HMCN1: variants seen among roughly 807,000 people sequenced by gnomAD.
HMCN1 encodes hemicentin 1, also known as hemicentin-1.
Under a neutral mutation model 625.9 loss-of-function variants are expected in HMCN1, and 321 were observed. The observed-to-expected ratio is 0.51, with a 90% confidence interval of 0.47 to 0.56. The LOEUF is 0.56. Ranked by LOEUF, HMCN1 falls within the 20% of genes least tolerant of loss-of-function variation. The probability of loss-of-function intolerance (pLI) is 0.00; values close to 1 mark genes in which losing one functional copy is unlikely to be tolerated. For missense variants in HMCN1, 6,588 were observed against 6,887.3 expected (o/e 0.96, Z 1.54); for synonymous variants, 2,425 against 2,417.6 (o/e 1.00, Z -0.09).
At chr1:186,020,062 A>C (rs184014098) in intron 35 of HMCN1, among the ~76,000 whole-genome samples, 47 of 152,162 alleles carry the variant, frequency 3.1e-4, no homozygotes, top group African/African-American at 1.1e-3. Flanking sequence ...TATTTACATA[A>C]ATGTAGGTAA....
intron 83 of HMCN1, among the ~76,000 whole-genome samples, chr1:186,128,724 A>C (rs1661774663): frequency 6.6e-6 from 1 of 152,050 alleles, no homozygotes. Flanking sequence ...TATAGTGTAG[A>C]TTAATTTATG....
intron 1 of HMCN1, among the ~76,000 whole-genome samples, chr1:185,807,247 A>AT (rs781663707): frequency 1.1e-4 from 16 of 152,140 alleles, no homozygotes; most frequent in Non-Finnish European, 4.4e-5. Flanking sequence ...AAAGAGTTAC[A>AT]TTTTGGCACT....
At chr1:186,007,524 TAGAG>T (rs1283899441) in intron 30 of HMCN1, among the ~76,000 whole-genome samples, 2 of 152,144 alleles carry the variant, frequency 1.3e-5, no homozygotes, top group Non-Finnish European at 2.9e-5. Context: ...TAATCTCACT[TAGAG>T]AGAGCAAGAA....
chr1:185,814,795 G>T (rs141683914), intron 1 of HMCN1, among the ~76,000 whole-genome samples: 1 of 149,144 alleles, frequency 6.7e-6, no homozygotes, highest in Non-Finnish European at 1.5e-5. Flanking sequence ...GGGTTCAAGC[G>T]ATTCTCCTGC....
Position 186,095,472 on chromosome 1 carries a change from C to A in HMCN1, c.10524C>A (p.Ala3508=), listed in dbSNP as rs772413396. 6.2e-7 allele frequency: 1 copy of A among 1,613,624 alleles called. No homozygotes were observed. The highest frequency in any genetic ancestry group is 2.2e-5 in the East Asian group (1 of 44,854). ...ATTCGGGAAAGTACACCTGCATTGC[C>A]TCAAATGAAGCTGGAGAAGTCAGCA... The part of the protein sequence containing the change: ...TEDSGKYTCI[A]SNEAGEVSKH... Residue 3508 remains alanine (A), a synonymous_variant, in exon 68 of 107, where the codon GCC becomes GCA. Transcript: ENST00000271588.
chr1:185,839,934 A>G (rs1208246116), intron 1 of HMCN1, among the ~76,000 whole-genome samples: 1 of 152,240 alleles, frequency 6.6e-6, no homozygotes, highest in Admixed American at 6.5e-5. Flanking sequence ...GCATGAATTC[A>G]TCACTGATTT....
rs1652448283 is a variant in HMCN1, at chr1:186,174,660, T to A, written c.15943+18T>A. 1 of 1,613,566 alleles carries A rather than the reference T, an allele frequency of 6.2e-7. No homozygotes were observed. Among genetic ancestry groups the A allele is most frequent in the Non-Finnish European group, 8.5e-7 (1 of 1,179,674 alleles). On this transcript the variant is annotated intron_variant, in intron 103 of 106. Transcript: ENST00000271588. ...CTGCATGGGTAAGTTAATAGGAACT[T>A]GTTGAGCAATAAAGCTACTGATGTA...
chr1:186,152,646 TG>T, intron 95 of HMCN1, 103 bp from the exon 96 acceptor site: 1 of 1,383,704 alleles, frequency 7.2e-7, no homozygotes, highest in South Asian at 1.2e-5. Context: ...TATTCAAGTT[TG>T]AACTCAAAAA....
chr1:185,882,524 A>C (rs1397485487), intron 4 of HMCN1, among the ~76,000 whole-genome samples: 1 of 152,024 alleles, frequency 6.6e-6, no homozygotes, highest in Non-Finnish European at 1.5e-5. Flanking sequence ...TTTTTTAAAA[A>C]AGTTTGAAAA....
intron 1 of HMCN1, among the ~76,000 whole-genome samples, chr1:185,765,645 G>A (rs1259712932): frequency 6.6e-6 from 1 of 152,122 alleles, no homozygotes; most frequent in African/African-American, 2.4e-5. Flanking sequence ...CCAGTAGATG[G>A]GTAATTAGGA....
intron 35 of HMCN1, 30 bp from the exon 36 acceptor site, chr1:186,023,000 A>G: frequency 6.2e-7 from 1 of 1,610,806 alleles, no homozygotes; most frequent in Non-Finnish European, 8.5e-7. Context: ...TAAGATACAA[A>G]AATCCTCTGT....
Position 186,061,979 on chromosome 1 carries a change from T to A in HMCN1, c.7426+15T>A, listed in dbSNP as rs1198026867. The A allele has an allele frequency of 1.3e-6, 2 of 1,501,122 alleles. No individual in the cohort carries two copies. The highest frequency in any genetic ancestry group is 1.9e-6 in the Non-Finnish European group (2 of 1,079,200). 93.0% of individuals were successfully genotyped at this position (1,501,122 alleles called of 1,614,324 possible). A position where few individuals can be genotyped will look rare whatever the true frequency, so the allele number is the denominator to read the frequency against. The stretch of plus-strand genomic sequence containing the variant: ...TTCAGTATTAGGTACTTATATAGTT[T>A]GCAATATCTAGAAGAAACTTAAATT... On this transcript the variant is annotated intron_variant, in intron 47 of 106. Coordinates refer to ENST00000271588, the MANE Select transcript of HMCN1 (RefSeq NM_031935.3).
rs1659517848 is a variant in HMCN1 at position 186,086,817 on chromosome 1, TAGATAG to T, written c.9047-398_9047-393del. Among the ~76,000 whole-genome samples the T allele has an allele frequency of 4.7e-3, 18 of 3,846 alleles. No individual in the cohort carries two copies. In the South Asian group the frequency reaches 0.094, roughly 20 times the overall value. 2.5% of individuals were successfully genotyped at this position (3,846 alleles called of 152,430 possible). A position where few individuals can be genotyped will look rare whatever the true frequency, so the allele number is the denominator to read the frequency against. On this transcript the variant is annotated intron_variant, in intron 58 of 106. Transcript: ENST00000271588. ...AGATGATAGATAGATAGATAGATGA[TAGATAG>T]ATAGATAGATAGATAGATAGATAGA... is the stretch of plus-strand genomic sequence containing the variant.
intron 105 of HMCN1, among the ~76,000 whole-genome samples, chr1:186,185,942 C>G (rs1410568720): frequency 6.6e-6 from 1 of 152,164 alleles, no homozygotes; most frequent in Non-Finnish European, 1.5e-5. Context: ...ACTTTGAAAA[C>G]CTTATACTTT....
intron 6 of HMCN1, among the ~76,000 whole-genome samples, chr1:185,919,107 TA>T (rs1009453791): frequency 1.3e-5 from 2 of 148,698 alleles, no homozygotes; most frequent in Admixed American, 6.6e-5. Context: ...ATTACATTTA[TA>T]AAAAATTTAT....
Position 185,983,691 on chromosome 1 carries a change from A to G in HMCN1, c.2791-478A>G, listed in dbSNP as rs537132799. Reference sequence around the variant, plus strand: ...CAGATGTCACATATTGTCCACTAATATTTGCATCTGTTACCTAACAAGGGT... The same window carrying G: ...CAGATGTCACATATTGTCCACTAATGTTTGCATCTGTTACCTAACAAGGGT... On this transcript the variant is annotated intron_variant, in intron 18 of 106. Coordinates refer to ENST00000271588, the MANE Select transcript of HMCN1 (RefSeq NM_031935.3). 5.3e-5 allele frequency among the ~76,000 whole-genome samples: 8 copies of G among 152,310 alleles called. No homozygotes were observed. In the South Asian group the frequency reaches 1.7e-3, roughly 32 times the overall value.
chr1:185,889,136 T>G (rs1330265455), intron 4 of HMCN1, among the ~76,000 whole-genome samples: 2 of 144,538 alleles, frequency 1.4e-5, no homozygotes, highest in African/African-American at 5.7e-5. Flanking sequence ...ATAGGAATGC[T>G]TGTGATTTTT....
At chr1:185,861,420 C>T (rs1662859952) in intron 2 of HMCN1, among the ~76,000 whole-genome samples, 1 of 152,152 alleles carries the variant, frequency 6.6e-6, no homozygotes, top group African/African-American at 2.4e-5. Context: ...GACCATTCAA[C>T]AAATGCTTGT....
chr1:186,132,184 G>A, intron 85 of HMCN1, 144 bp from the exon 86 acceptor site: 1 of 702,954 alleles, frequency 1.4e-6, no homozygotes. Flanking sequence ...CTATTTAAGA[G>A]GTTAGACATA....
Sources: allele counts gnomAD v4.1 joint callset (sites outside exome capture counted in the v4.1 genomes callset), GRCh38; gene constraint gnomAD v4.1.1; transcripts MANE v1.5; gene names NCBI Gene and HGNC (gene_info 2026-07-23, HGNC 2026-07-21).